The following SPOUT1 variants were observed in gnomAD, a reference collection of about 807,000 sequenced individuals.
SPOUT1 encodes SPOUT domain containing methyltransferase 1.
Under a neutral mutation model 54.8 loss-of-function variants are expected in SPOUT1, and 40 were observed. That is an observed-to-expected ratio of 0.73 (90% confidence interval 0.57 to 0.95). The LOEUF (loss-of-function observed/expected upper bound fraction) is 0.95, where lower values mean the gene tolerates loss of function less well. Ranked by LOEUF, SPOUT1 falls within the 40% of genes least tolerant of loss-of-function variation. The pLI is 0.00. For synonymous variants in SPOUT1, 193 were observed against 200.3 expected, an observed-to-expected ratio of 0.96 and a Z score of 0.31; for missense variants, 437 against 499.5, an observed-to-expected ratio of 0.87 and a Z score of 1.19.
Position 128,820,684 on chromosome 9 carries a change from A to G in SPOUT1, c.*2081T>C. ...CCTCAGGACCTGGGGCGGCCCTCTG[A>G]TAGAGGAGGAAGGGTCCCAGCCACA... On this transcript the variant is annotated 3_prime_UTR_variant, in exon 12 of 12. Transcript: ENST00000361256. 2 of 1,490,216 alleles carry G rather than the reference A, an allele frequency of 1.3e-6. No individual in the cohort carries two copies. The allele number at this position is 1,490,216 out of a possible 1,614,324, so 92.3% of individuals were successfully genotyped here. A position where few individuals can be genotyped will look rare whatever the true frequency, so the allele number is the denominator to read the frequency against.
At position 128,822,251 on chromosome 9, in the gene SPOUT1, C is replaced by G; in HGVS notation, c.*514G>C. The G allele has an allele frequency of 6.5e-7, 1 of 1,540,974 alleles. No homozygotes were observed. The highest frequency in any genetic ancestry group is 8.8e-7 in the Non-Finnish European group (1 of 1,142,840). On this transcript the variant is annotated 3_prime_UTR_variant, in exon 12 of 12. Coordinates refer to ENST00000361256, the MANE Select transcript of SPOUT1 (RefSeq NM_016390.4). ...GGTTGACAGAAGTTAGAGGACAGAT[C>G]AGGGAAGGCTGCCTGGAAGAGGTGG...
At chr9:128,827,266 C>T (rs923881678) in intron 3 of SPOUT1, 75 bp from the exon 4 acceptor site, 2 of 1,385,520 alleles carry the variant, frequency 1.4e-6, no homozygotes, top group Non-Finnish European at 2.0e-6. Flanking sequence ...TCCTCTGTCC[C>T]TAGCGCCCAT....
In SPOUT1 at chr9:128,823,446, G is replaced by A. The variant is rs1195704851; in HGVS notation, c.1062+301C>T. Among the ~76,000 whole-genome samples the A allele has an allele frequency of 3.9e-5, 6 of 152,270 alleles. No homozygotes were observed. The East Asian group carries it at 1.2e-3, about 29-fold the overall frequency. The stretch of plus-strand genomic sequence containing the variant: ...CGTGGTCACACACAAGGAAGTGGCA[G>A]AACCAGGGCCCTGGGAGATCACTGA... On this transcript the variant is annotated intron_variant, in intron 11 of 11. Transcript: ENST00000361256.
intron 3 of SPOUT1, among the ~76,000 whole-genome samples, chr9:128,828,229 C>T (rs899767202): frequency 2.5e-4 from 38 of 152,174 alleles, no homozygotes; most frequent in African/African-American, 9.2e-4. Flanking sequence ...GGCACGGTGG[C>T]TCATGCCTGT....
At chr9:128,823,936 C>T in intron 10 of SPOUT1, 42 bp from the exon 11 acceptor site, 1 of 1,607,826 alleles carries the variant, frequency 6.2e-7, no homozygotes, top group Non-Finnish European at 8.5e-7. Context: ...GCCACCGAGG[C>T]CCCACCCAGC....
Position 128,824,816 on chromosome 9 carries a change from C to G in SPOUT1, c.766G>C (p.Ala256Pro), listed in dbSNP as rs760043305. The change falls in exon 9 of 12, where the codon GCT (alanine) becomes CCT (proline). Residue 256 changes from alanine (A) to proline (P), a missense_variant. Ala to Pro is a conservative substitution (Grantham distance 27). Transcript: ENST00000361256. ...ACGGTGTAGCCCCAGTAGAGACCAG[C>G]TTTGGTGCGAGGGTCCTGCGATGAT... is the stretch of plus-strand genomic sequence containing the variant. ...VVSSQDPRTK[A>P]GLYWGYTVRL... The G allele has an allele frequency of 1.2e-6, 2 of 1,613,990 alleles. No individual in the cohort carries two copies. The highest frequency in any genetic ancestry group is 1.7e-6 in the Non-Finnish European group (2 of 1,180,024).
chr9:128,824,279 G>GGTGGGT, intron 9 of SPOUT1, 105 bp from the exon 10 acceptor site: 4 of 495,704 alleles, frequency 8.1e-6, no homozygotes, highest in South Asian at 7.7e-5. Flanking sequence ...AGAGCTGTGT[G>GGTGGGT]GTGTGTGTGT....
chr9:128,823,645 C>G (rs1830173195), intron 11 of SPOUT1, 102 bp downstream of exon 11: 4 of 1,081,698 alleles, frequency 3.7e-6, no homozygotes, highest in Non-Finnish European at 5.3e-6. Context: ...CCAGACAAGG[C>G]AGCCACGGGC....
At position 128,829,078 on chromosome 9, in the gene SPOUT1, ATGGGAAGATACTCTTACCCACCC is replaced by A. The variant is rs1830298245; in HGVS notation, c.82+9_82+31del. 2 of 1,593,400 alleles carry A rather than the reference ATGGGAAGATACTCTTACCCACCC, an allele frequency of 1.3e-6. No homozygotes were observed. Among genetic ancestry groups the A allele is most frequent in the Non-Finnish European group, 1.7e-6 (2 of 1,161,104 alleles). On this transcript the variant is annotated intron_variant, in intron 2 of 11. Coordinates refer to ENST00000361256, the MANE Select transcript of SPOUT1 (RefSeq NM_016390.4). ...TGACTGAGCACTGGTGGAGTGGCCT[ATGGGAAGATACTCTTACCCACCC>A]TTACTTACTCTGTTGCTTCCATTTT...
rs1830092397 is a variant in SPOUT1 at position 128,820,660 on chromosome 9, C to T, written c.*2105G>A. ...GGATATCTCTGAGCCTGTCCATCCC[C>T]TCAGGACCTGGGGCGGCCCTCTGAT... On this transcript the variant is annotated 3_prime_UTR_variant, in exon 12 of 12. Coordinates refer to ENST00000361256, the MANE Select transcript of SPOUT1 (RefSeq NM_016390.4). 4.0e-6 allele frequency: 5 copies of T among 1,252,336 alleles called. No homozygotes were observed. The highest frequency in any genetic ancestry group is 4.0e-5 in the Admixed American group (2 of 50,226). 77.6% of individuals were successfully genotyped at this position (1,252,336 alleles called of 1,614,324 possible).
At chr9:128,828,954 G>A in intron 2 of SPOUT1, 94 bp from the exon 3 acceptor site, 3 of 1,575,338 alleles carry the variant, frequency 1.9e-6, no homozygotes, top group South Asian at 1.1e-5. Context: ...GCAGCCAGAG[G>A]GCAGCAAGGG....
In SPOUT1 at chr9:128,824,299, TGC is replaced by T. The variant is rs1173199449; in HGVS notation, c.812-127_812-126del. 4,264 of 544,436 alleles carry T rather than the reference TGC, an allele frequency of 7.8e-3. 22 individuals carry two copies. Among genetic ancestry groups the T allele is most frequent in the East Asian group, 0.035 (941 of 27,240 alleles). 33.7% of individuals were successfully genotyped at this position (544,436 alleles called of 1,614,324 possible). A position where few individuals can be genotyped will look rare whatever the true frequency, so the allele number is the denominator to read the frequency against. On this transcript the variant is annotated intron_variant, in intron 9 of 11. Coordinates refer to ENST00000361256, the MANE Select transcript of SPOUT1 (RefSeq NM_016390.4). ...TGTGTGGTGTGTGTGTGTGTGTGTG[TGC>T]GTGTGTGTACTAAGGTAGGGGTGGG...
Position 128,822,073 on chromosome 9 carries a change from T to A in SPOUT1, c.*692A>T, listed in dbSNP as rs935044604. On this transcript the variant is annotated 3_prime_UTR_variant, in exon 12 of 12. Coordinates refer to ENST00000361256, the MANE Select transcript of SPOUT1 (RefSeq NM_016390.4). ...TGTGAATATTCAGAAGGCTCGATTC[T>A]CCTAGCAGCGTTTATTGTCGCCCAC... 1.3e-5 allele frequency: 7 copies of A among 553,912 alleles called. No individual in the cohort carries two copies. The highest frequency in any genetic ancestry group is 1.6e-5 in the Non-Finnish European group (5 of 308,258). The allele number at this position is 553,912 out of a possible 1,614,324, so 34.3% of individuals were successfully genotyped here. A position where few individuals can be genotyped will look rare whatever the true frequency, so the allele number is the denominator to read the frequency against.
intron 1 of SPOUT1, 24 bp from the exon 2 acceptor site, chr9:128,829,179 TTA>T: frequency 6.2e-7 from 1 of 1,608,290 alleles, no homozygotes. Flanking sequence ...GGTAGGAGGA[TTA>T]TGAGTGTGAG....
chr9:128,825,689 G>A (rs187836759), intron 7 of SPOUT1, among the ~76,000 whole-genome samples: 3 of 152,310 alleles, frequency 2.0e-5, no homozygotes, highest in Admixed American at 2.0e-4. Flanking sequence ...TCTGATTTGA[G>A]GAGGCTTGAG....
intron 1 of SPOUT1, 31 bp downstream of exon 1, chr9:128,829,714 C>G: frequency 6.5e-7 from 1 of 1,545,260 alleles, no homozygotes; most frequent in Non-Finnish European, 8.8e-7. Context: ...CACCATGCTG[C>G]CCTGCACGGG....
chr9:128,825,435 G>C (rs1830222197), intron 7 of SPOUT1, among the ~76,000 whole-genome samples: 1 of 152,102 alleles, frequency 6.6e-6, no homozygotes, highest in Admixed American at 6.5e-5. Flanking sequence ...GGGTTCAAGT[G>C]AATCTCCTGC....
chr9:128,823,241 G>A (rs1047605031), intron 11 of SPOUT1, among the ~76,000 whole-genome samples: 4 of 152,112 alleles, frequency 2.6e-5, no homozygotes, highest in African/African-American at 4.8e-5. Flanking sequence ...CTGTCGGCCC[G>A]GCGAGACTGA....
At chr9:128,823,493 G>A (rs995836213) in intron 11 of SPOUT1, among the ~76,000 whole-genome samples, 1 of 152,190 alleles carries the variant, frequency 6.6e-6, no homozygotes, top group South Asian at 2.1e-4. Flanking sequence ...AGGAACCAGA[G>A]GCCCGGAGCA....
Sources: allele counts gnomAD v4.1 joint callset (sites outside exome capture counted in the v4.1 genomes callset), GRCh38; gene constraint gnomAD v4.1.1; transcripts MANE v1.5; gene names NCBI Gene and HGNC (gene_info 2026-07-23, HGNC 2026-07-21).